The following SCP2 variants were observed in gnomAD, a reference collection of about 807,000 sequenced individuals.
SCP2 encodes sterol carrier protein 2, also known as SCP-2/3-oxoacyl-CoA thiolase.
SCP2 carries 48 observed loss-of-function variants against 71.4 expected under a neutral mutation model. The ratio of observed to expected loss-of-function variants is 0.67; its 90% CI spans 0.53 to 0.86. SCP2 has a LOEUF of 0.86. Ranked by LOEUF, SCP2 falls within the 40% of genes least tolerant of loss-of-function variation. SCP2 has a pLI of 0.00. For synonymous variants in SCP2, 220 were observed against 218.1 expected (o/e 1.01, Z -0.08); for missense variants, 560 against 655.6 (o/e 0.85, Z 1.59).
At chr1:52,998,534 C>T (rs185650851) in intron 11 of SCP2, among the ~76,000 whole-genome samples, 473 of 152,264 alleles carry the variant, frequency 3.1e-3, no homozygotes, top group Non-Finnish European at 4.6e-3. Flanking sequence ...AGTTTGAGAC[C>T]GGCCTGGGCA....
chr1:52,986,824 A>G (rs1287008474), intron 10 of SCP2, among the ~76,000 whole-genome samples: 6 of 151,902 alleles, frequency 3.9e-5, no homozygotes, highest in Non-Finnish European at 1.5e-5. Context: ...TGCTTATATA[A>G]AATGGCATAA....
At chr1:53,015,607 C>CT in intron 12 of SCP2, among the ~76,000 whole-genome samples, 1 of 152,336 alleles carries the variant, frequency 6.6e-6, no homozygotes, top group South Asian at 2.1e-4. Context: ...AGCGCCCCTC[C>CT]TGTCAAAGGC....
At chr1:52,980,211 C>T (rs1360671779) in intron 9 of SCP2, among the ~76,000 whole-genome samples, 185 bp from the exon 10 acceptor site, 1 of 152,090 alleles carries the variant, frequency 6.6e-6, no homozygotes, top group Non-Finnish European at 1.5e-5. Context: ...TGGGCTCAAG[C>T]GATCCTCCTG....
intron 2 of SCP2, chr1:52,943,484 A>G (rs61769097): frequency 1.6e-5 from 3 of 189,568 alleles, no homozygotes; most frequent in Non-Finnish European, 3.3e-5. Flanking sequence ...GGCCTCCCAA[A>G]GTGCTGGGAT....
chr1:52,946,374 G>A (rs1654797648), intron 2 of SCP2, among the ~76,000 whole-genome samples: 1 of 151,802 alleles, frequency 6.6e-6, no homozygotes, highest in Non-Finnish European at 1.5e-5. Context: ...GACCACAGGT[G>A]TATGCTACCA....
intron 11 of SCP2, among the ~76,000 whole-genome samples, chr1:53,010,179 G>A (rs987835983): frequency 2.0e-5 from 3 of 152,304 alleles, no homozygotes; most frequent in African/African-American, 7.2e-5. Flanking sequence ...CACTGTTGGT[G>A]GGACTGTAAA....
At chr1:52,969,026 G>A (rs528960317) in intron 6 of SCP2, among the ~76,000 whole-genome samples, 2 of 151,854 alleles carry the variant, frequency 1.3e-5, no homozygotes, top group African/African-American at 2.4e-5. Flanking sequence ...CTTCATCCTT[G>A]TTGCTCTTCT....
At position 52,927,450 on chromosome 1, in the gene SCP2, G is replaced by A. The variant is rs1284615316; in HGVS notation, c.54G>A (p.Gly18=). 2 of 1,601,634 alleles carry A rather than the reference G, an allele frequency of 1.2e-6. No homozygotes were observed. The highest frequency in any genetic ancestry group is 1.7e-6 in the Non-Finnish European group (2 of 1,174,870). ...PATLRRVFVV[G]VGMTKFVKPG... is the part of the protein sequence containing the mutation. ...CCCTGCGCCGGGTGTTCGTGGTGGG[G>A]GTTGGCATGACCAAGGTAAACCGAG... Residue 18 remains glycine (G), a synonymous_variant, in exon 1 of 16, where the codon GGG becomes GGA. Transcript: ENST00000371514.
chr1:52,953,833 A>G (rs866402320), intron 4 of SCP2, among the ~76,000 whole-genome samples: 4,671 of 150,958 alleles, frequency 0.031, 258 homozygotes, highest in African/African-American at 0.11. Context: ...TACCAAAAAA[A>G]AAAAAAAAAG....
At chr1:52,946,479 G>A (rs1465895135) in intron 2 of SCP2, among the ~76,000 whole-genome samples, 1 of 152,064 alleles carries the variant, frequency 6.6e-6, no homozygotes, top group Non-Finnish European at 1.5e-5. Flanking sequence ...GCCTCCTAAA[G>A]TACAGTAAGC....
intron 13 of SCP2, among the ~76,000 whole-genome samples, chr1:53,038,688 A>G (rs933758942): frequency 2.6e-5 from 4 of 152,172 alleles, no homozygotes; most frequent in South Asian, 2.1e-4. Context: ...TACAGGAATG[A>G]GCCACCATGG....
In SCP2 at chr1:52,961,387, C is replaced by T. The variant is rs565832427; in HGVS notation, c.397-116C>T. 512 of 1,066,628 alleles carry T rather than the reference C, an allele frequency of 4.8e-4. 4 individuals are homozygous for T. In the South Asian group the frequency reaches 6.8e-3, roughly 14 times the overall value. 66.1% of individuals were successfully genotyped at this position (1,066,628 alleles called of 1,614,324 possible). On this transcript the variant is annotated intron_variant, in intron 5 of 15. Transcript: ENST00000371514. ...TCTTAACTGATTTGATTCACATTGA[C>T]AATTTCTGGTGTACTATGTGCTTAG... is the stretch of plus-strand genomic sequence containing the variant.
At chr1:52,944,645 G>A (rs1348092005) in intron 2 of SCP2, among the ~76,000 whole-genome samples, 1 of 151,988 alleles carries the variant, frequency 6.6e-6, no homozygotes, top group African/African-American at 2.4e-5. Context: ...TTACTTTAGT[G>A]TGTGTATAAT....
At chr1:52,994,341 A>G (rs1305835789) in intron 11 of SCP2, 1 of 931,998 alleles carries the variant, frequency 1.1e-6, no homozygotes, top group Non-Finnish European at 1.3e-6. Context: ...GGAGATGAAT[A>G]TGATATTTCA....
At chr1:53,029,933 G>C (rs527969339) in intron 13 of SCP2, among the ~76,000 whole-genome samples, 1 of 151,624 alleles carries the variant, frequency 6.6e-6, no homozygotes, top group Non-Finnish European at 1.5e-5. Context: ...CTGTCACCCA[G>C]GCTGGAGTGC....
chr1:52,973,140 G>A (rs1337714821), intron 6 of SCP2, among the ~76,000 whole-genome samples: 1 of 152,194 alleles, frequency 6.6e-6, no homozygotes, highest in Non-Finnish European at 1.5e-5. Context: ...AGAAGTTAGT[G>A]CTAGAAACTT....
chr1:52,932,593 T>C (rs1180210187), intron 1 of SCP2, among the ~76,000 whole-genome samples: 1 of 152,112 alleles, frequency 6.6e-6, no homozygotes, highest in African/African-American at 2.4e-5. Context: ...ATGACTCAGT[T>C]TGGAATATGT....
chr1:53,037,917 C>CCAGATCCTGTCTCTATACACACACACAT (rs1663099651), intron 13 of SCP2, among the ~76,000 whole-genome samples: 7 of 117,272 alleles, frequency 6.0e-5, no homozygotes, highest in East Asian at 3.5e-4. Context: ...CACACACACA[C>CCAGATCCTGTCTCTATACACACACACAT]ACACACACAC....
At chr1:53,037,940 C>T (rs1269521145) in intron 13 of SCP2, among the ~76,000 whole-genome samples, 2 of 108,818 alleles carry the variant, frequency 1.8e-5, no homozygotes, top group Admixed American at 9.6e-5. Flanking sequence ...AGATCCAGAT[C>T]CTGTCTCTAT....
Sources: allele counts gnomAD v4.1 joint callset (sites outside exome capture counted in the v4.1 genomes callset), GRCh38; gene constraint gnomAD v4.1.1; transcripts MANE v1.5; gene names NCBI Gene and HGNC (gene_info 2026-07-23, HGNC 2026-07-21).